The following CCDC171 variants were observed in gnomAD, a reference collection of about 807,000 sequenced individuals.
CCDC171 encodes the protein coiled-coil domain containing 171.
A neutral mutation model predicts 168.2 loss-of-function variants in CCDC171; 177 were observed. The observed-to-expected ratio is 1.05, with a 90% CI of 0.93 to 1.19. The LOEUF (loss-of-function observed/expected upper bound fraction) is 1.19, where lower values mean the gene tolerates loss of function less well. Among genes scored for constraint, CCDC171 ranks in the 50% most tolerant of loss-of-function variants. The probability of loss-of-function intolerance (pLI) is 0.00; values close to 1 mark genes in which losing one functional copy is unlikely to be tolerated. For synonymous variants in CCDC171, 687 were observed against 540.8 expected (o/e 1.27, Z -3.75); for missense variants, 1,991 against 1,539.0 (o/e 1.29, Z -4.91).
the CCDC171 span, among the ~76,000 whole-genome samples, chr9:16,095,802 C>T: frequency 1.4e-4 from 21 of 148,468 alleles, no homozygotes; most frequent in Admixed American, 2.7e-4. Flanking sequence ...AGGGCTATTT[C>T]GGTGTTGGAG....
At chr9:15,623,659 C>G (rs1053555529) in intron 7 of CCDC171, among the ~76,000 whole-genome samples, 1 of 152,024 alleles carries the variant, frequency 6.6e-6, no homozygotes, top group Admixed American at 6.6e-5. Context: ...TTAAAAAAAT[C>G]TGTTCACTTT....
intron 24 of CCDC171, among the ~76,000 whole-genome samples, chr9:15,882,251 T>C (rs918119669): frequency 6.6e-6 from 1 of 152,242 alleles, no homozygotes; most frequent in Admixed American, 6.5e-5. Context: ...TTGAGAAATA[T>C]CTATTCAGAT....
At chr9:15,642,343 GTATATATATATATATATATATATATATA>G (rs55976539) in intron 7 of CCDC171, among the ~76,000 whole-genome samples, 44 of 107,564 alleles carry the variant, frequency 4.1e-4, no homozygotes, top group South Asian at 1.0e-3. Flanking sequence ...GTGTGTGTGT[GTATATATATATATATATATATATATATA>G]TATATATATA....
intron 7 of CCDC171, among the ~76,000 whole-genome samples, chr9:15,639,606 G>T (rs970880076): frequency 3.9e-5 from 6 of 152,060 alleles, no homozygotes; most frequent in African/African-American, 9.7e-5. Context: ...GTGTTCTCCA[G>T]TTTATTTCTA....
At chr9:15,746,542 G>T (rs186364682) in intron 18 of CCDC171, among the ~76,000 whole-genome samples, 1 of 152,146 alleles carries the variant, frequency 6.6e-6, no homozygotes, top group Non-Finnish European at 1.5e-5. Flanking sequence ...AAGAATTTTG[G>T]TATTATAACT....
intron 24 of CCDC171, among the ~76,000 whole-genome samples, chr9:15,914,965 G>A (rs1271638738): frequency 6.6e-6 from 1 of 152,176 alleles, no homozygotes; most frequent in African/African-American, 2.4e-5. Context: ...CTCACCCTCT[G>A]TGGGCTGTAC....
At chr9:15,694,681 A>C (rs2051076747) in intron 10 of CCDC171, among the ~76,000 whole-genome samples, 1 of 152,190 alleles carries the variant, frequency 6.6e-6, no homozygotes, top group Non-Finnish European at 1.5e-5. Context: ...AGTGTGGTCT[A>C]ACCCAATGCA....
chr9:15,848,985 C>T lies in CCDC171; in HGVS notation c.3468+38C>T, dbSNP rs72708834. ...TTCTTTAATATTGTTCAATTTGTGT[C>T]ATGACACCTAGTCATTATTTTTATT... On this transcript the variant is annotated intron_variant, in intron 23 of 25. Transcript: ENST00000380701. The T allele has an allele frequency of 0.013, 14,074 of 1,055,324 alleles. 1,045 individuals are homozygous for T. In the East Asian group the frequency reaches 0.21, roughly 16 times the overall value. The allele number at this position is 1,055,324 out of a possible 1,614,324, so 65.4% of individuals were successfully genotyped here. A position where few individuals can be genotyped will look rare whatever the true frequency, so the allele number is the denominator to read the frequency against.
chr9:15,823,166 C>G (rs1336105527), intron 21 of CCDC171, among the ~76,000 whole-genome samples: 1 of 152,008 alleles, frequency 6.6e-6, no homozygotes, highest in Non-Finnish European at 1.5e-5. Context: ...AGGGGAAAAT[C>G]ACACACCGGG....
At chr9:15,811,389 C>G (rs2059349737) in intron 21 of CCDC171, among the ~76,000 whole-genome samples, 1 of 152,092 alleles carries the variant, frequency 6.6e-6, no homozygotes, top group African/African-American at 2.4e-5. Flanking sequence ...AAAAGTGGAA[C>G]AAATTAAAGG....
Position 15,724,935 on chromosome 9 carries a change from G to T in CCDC171, c.1651G>T (p.Glu551Ter). 6.2e-7 allele frequency: 1 copy of T among 1,613,958 alleles called. No individual in the cohort carries two copies. The highest frequency in any genetic ancestry group is 8.5e-7 in the Non-Finnish European group (1 of 1,179,882). ...EKAQAAQSES[E>*]LQKLSQAFHK... ...GGCTCAGGCAGCCCAGTCTGAAAGT[G>T]AACTGCAGAAGCTTTCCCAGGCTTT... Residue 551 changes from glutamate to a stop codon, truncating the protein, a stop_gained, in exon 14 of 26, where the codon GAA becomes TAA. Transcript: ENST00000380701. LOFTEE classifies it high-confidence loss of function.
At chr9:15,792,173 A>T (rs1218554865) in intron 21 of CCDC171, among the ~76,000 whole-genome samples, 1 of 152,246 alleles carries the variant, frequency 6.6e-6, no homozygotes, top group Non-Finnish European at 1.5e-5. Flanking sequence ...CTACGTGATG[A>T]ATGCACAAGC....
intron 14 of CCDC171, among the ~76,000 whole-genome samples, chr9:15,727,604 A>C (rs1303376416): frequency 6.6e-6 from 1 of 152,150 alleles, no homozygotes; most frequent in Admixed American, 6.6e-5. Context: ...CACAACCTCC[A>C]TCAGTAGCAG....
chr9:16,094,140 G>A, the CCDC171 span, among the ~76,000 whole-genome samples: 2 of 152,314 alleles, frequency 1.3e-5, no homozygotes, highest in African/African-American at 2.4e-5. Context: ...GTGCATAAAT[G>A]AGTACAGAGT....
At chr9:15,805,786 A>G (rs2135862754) in intron 21 of CCDC171, among the ~76,000 whole-genome samples, 1 of 152,254 alleles carries the variant, frequency 6.6e-6, no homozygotes, top group Non-Finnish European at 1.5e-5. Context: ...AGCTAAGTTC[A>G]GGTCCTGAAT....
chr9:15,755,274 G>C (rs552118205), intron 18 of CCDC171, among the ~76,000 whole-genome samples: 102 of 152,178 alleles, frequency 6.7e-4, no homozygotes, highest in African/African-American at 2.1e-3. Flanking sequence ...TTGTGTTTTT[G>C]CAAGAAGGAA....
At position 15,583,597 on chromosome 9, in the gene CCDC171, G is replaced by A. The variant is rs1281912050; in HGVS notation, c.352+4574G>A. Among the ~76,000 whole-genome samples the A allele has an allele frequency of 2.0e-5, 3 of 152,166 alleles. No homozygotes were observed. In the South Asian group the frequency reaches 6.2e-4, roughly 32 times the overall value. ...AAGCTATGAGTATGCAAAGGCATAA[G>A]AATGATATAATGGACTTTGGGGACT... On this transcript the variant is annotated intron_variant, in intron 4 of 25. Coordinates refer to ENST00000380701, the MANE Select transcript of CCDC171 (RefSeq NM_173550.4).
chr9:15,809,874 C>G (rs536544330), intron 21 of CCDC171, among the ~76,000 whole-genome samples: 30 of 152,348 alleles, frequency 2.0e-4, no homozygotes, highest in African/African-American at 6.7e-4. Flanking sequence ...CCACCCACAT[C>G]CTGCTGATTG....
chr9:15,636,455 A>T (rs1360276205), intron 7 of CCDC171, among the ~76,000 whole-genome samples: 1 of 152,162 alleles, frequency 6.6e-6, no homozygotes, highest in Non-Finnish European at 1.5e-5. Flanking sequence ...GGCTTACTAA[A>T]AAAGGATTAA....
Sources: gnomAD v4.1 joint callset for allele counts (sites outside exome capture counted in the v4.1 genomes callset) on GRCh38, gnomAD v4.1.1 for gene constraint, MANE v1.5 for transcripts, NCBI Gene and HGNC (gene_info 2026-07-23, HGNC 2026-07-21) for gene names.